The following PSEN1 variants were observed in gnomAD, a reference collection of about 807,000 sequenced individuals.
The protein encoded by PSEN1 is presenilin-1.
PSEN1 carries 15 observed loss-of-function variants against 53.5 expected under a neutral mutation model. The ratio of observed to expected loss-of-function variants is 0.28; its 90% CI spans 0.19 to 0.43. The LOEUF is 0.43. Among genes scored for constraint, PSEN1 ranks in the 20% least tolerant of loss-of-function variants. The pLI, the probability that PSEN1 is intolerant of heterozygous loss-of-function variation, is 1.00. For missense variants in PSEN1, 387 were observed against 571.2 expected (o/e 0.68, Z 3.29); for synonymous variants, 208 against 209.8 (o/e 0.99, Z 0.08).
intron 5 of PSEN1, among the ~76,000 whole-genome samples, 181 bp from the exon 6 acceptor site, chr14:73,186,672 G>A (rs1439345873): frequency 2.0e-5 from 3 of 152,098 alleles, no homozygotes; most frequent in Non-Finnish European, 4.4e-5. Context: ...ACCTACTCAG[G>A]AGGCTTAAGC....
chr14:73,146,162 C>T (rs1441401504), intron 1 of PSEN1: 1 of 145,648 alleles, frequency 6.9e-6, no homozygotes, highest in African/African-American at 2.5e-5. Context: ...TAAATTCCCA[C>T]AAAAATCTAG....
At chr14:73,140,331 C>T (rs1036780833) in intron 1 of PSEN1, among the ~76,000 whole-genome samples, 5 of 150,436 alleles carry the variant, frequency 3.3e-5, no homozygotes, top group African/African-American at 9.8e-5. Context: ...CTGCCTCAGC[C>T]TCCCGAGTAG....
At chr14:73,185,840 C>T (rs374012398) in intron 5 of PSEN1, among the ~76,000 whole-genome samples, 2 of 152,186 alleles carry the variant, frequency 1.3e-5, no homozygotes, top group African/African-American at 2.4e-5. Context: ...TGAGTCACTG[C>T]GCCCGATCTC....
At chr14:73,204,695 A>G (rs362371) in intron 8 of PSEN1, among the ~76,000 whole-genome samples, 15 of 152,340 alleles carry the variant, frequency 9.8e-5, no homozygotes, top group African/African-American at 3.6e-4. Context: ...GCATAAAGAA[A>G]GAAAACCTAA....
chr14:73,162,367 A>G (rs1335689081), intron 3 of PSEN1, among the ~76,000 whole-genome samples: 1 of 151,796 alleles, frequency 6.6e-6, no homozygotes, highest in African/African-American at 2.4e-5. Context: ...AATCTCTTGC[A>G]TTGCTGATTC....
chr14:73,182,304 AC>A (rs755660573), intron 5 of PSEN1, among the ~76,000 whole-genome samples: 15 of 150,842 alleles, frequency 9.9e-5, no homozygotes, highest in Admixed American at 9.9e-4. Flanking sequence ...ACAGAGTGAG[AC>A]CCCCACCTCT....
chr14:73,141,452 G>C (rs1896922930), intron 1 of PSEN1, among the ~76,000 whole-genome samples: 1 of 152,184 alleles, frequency 6.6e-6, no homozygotes, highest in African/African-American at 2.4e-5. Context: ...GTCTTTTGAG[G>C]ATGTATTCCT....
At chr14:73,150,827 T>A (rs1180566140) in intron 3 of PSEN1, among the ~76,000 whole-genome samples, 1 of 147,060 alleles carries the variant, frequency 6.8e-6, no homozygotes, top group African/African-American at 2.5e-5. Flanking sequence ...CCCAACACTT[T>A]GGGAGGCCGA....
chr14:73,164,228 G>A (rs1214857274), intron 3 of PSEN1, among the ~76,000 whole-genome samples: 1 of 152,182 alleles, frequency 6.6e-6, no homozygotes, highest in Non-Finnish European at 1.5e-5. Flanking sequence ...GAGATAAATG[G>A]AGAAGACAGA....
intron 9 of PSEN1, among the ~76,000 whole-genome samples, chr14:73,206,849 AACAG>A (rs1171946892): frequency 6.6e-6 from 1 of 152,244 alleles, no homozygotes; most frequent in Non-Finnish European, 1.5e-5. Context: ...ACAAAAAAGA[AACAG>A]ACAATAAAGG....
chr14:73,147,742 G>C (rs760611656), intron 1 of PSEN1, 53 bp from the exon 2 acceptor site: 2 of 441,878 alleles, frequency 4.5e-6, no homozygotes, highest in African/African-American at 2.0e-5. Context: ...TGGTTTAAAT[G>C]AATTTACTAG....
chr14:73,158,124 A>G (rs894904387), intron 3 of PSEN1, among the ~76,000 whole-genome samples: 1 of 152,130 alleles, frequency 6.6e-6, no homozygotes, highest in African/African-American at 2.4e-5. Flanking sequence ...TTGTTGGTAG[A>G]TATTTGGATT....
At chr14:73,143,312 A>G (rs1896978426) in intron 1 of PSEN1, among the ~76,000 whole-genome samples, 1 of 152,156 alleles carries the variant, frequency 6.6e-6, no homozygotes, top group Admixed American at 6.5e-5. Flanking sequence ...CTCACCTTGT[A>G]GCATTGTGAT....
chr14:73,212,913 G>A (rs952521408), intron 10 of PSEN1, among the ~76,000 whole-genome samples: 2 of 152,180 alleles, frequency 1.3e-5, no homozygotes, highest in Admixed American at 1.3e-4. Flanking sequence ...ATTACAACAA[G>A]AATATTAAGT....
chr14:73,184,369 G>A (rs1898374878), intron 5 of PSEN1, among the ~76,000 whole-genome samples: 1 of 130,598 alleles, frequency 7.7e-6, no homozygotes. Context: ...CTCCCGGACG[G>A]GGCGGCTGGC....
At chr14:73,143,982 G>T (rs1378957742) in intron 1 of PSEN1, among the ~76,000 whole-genome samples, 6 of 67,628 alleles carry the variant, frequency 8.9e-5, no homozygotes, top group Admixed American at 2.5e-4. Flanking sequence ...GTGAGACCTT[G>T]TCTCTTAAAA....
At chr14:73,189,514 A>C (rs980413397) in intron 6 of PSEN1, among the ~76,000 whole-genome samples, 3 of 152,150 alleles carry the variant, frequency 2.0e-5, no homozygotes, top group Non-Finnish European at 2.9e-5. Context: ...CTGGAGGCTG[A>C]GGCAGGAGAG....
At chr14:73,210,514 T>C (rs143357125) in intron 9 of PSEN1, among the ~76,000 whole-genome samples, 68 of 152,304 alleles carry the variant, frequency 4.5e-4, no homozygotes, top group African/African-American at 1.4e-3. Flanking sequence ...ATGCTACTTA[T>C]AATTAATTAT....
At chr14:73,137,252 G>C (rs1188730603) in intron 1 of PSEN1, 1 of 152,430 alleles carries the variant, frequency 6.6e-6, no homozygotes, top group South Asian at 2.1e-4. Context: ...TCGATCTGCG[G>C]TGGTGGCAGA....
Sources: gnomAD v4.1 joint callset for allele counts (sites outside exome capture counted in the v4.1 genomes callset) on GRCh38, gnomAD v4.1.1 for gene constraint, MANE v1.5 for transcripts, NCBI Gene and HGNC (gene_info 2026-07-23, HGNC 2026-07-21) for gene names.